Variants in ZMIZ1 observed in about 807,000 individuals in gnomAD.
ZMIZ1 encodes zinc finger MIZ-type containing 1.
A neutral mutation model predicts 113.9 loss-of-function variants in ZMIZ1; 17 were observed. The observed-to-expected ratio is 0.15, with a 90% CI of 0.10 to 0.22. The LOEUF (loss-of-function observed/expected upper bound fraction) is 0.22. Among genes scored for constraint, ZMIZ1 ranks in the 10% least tolerant of loss-of-function variants. ZMIZ1 has a pLI of 1.00. For missense variants in ZMIZ1, 1,059 were observed against 1,477.8 expected (o/e 0.72, Z 4.65); for synonymous variants, 607 against 603.1 (o/e 1.01, Z -0.09).
intron 2 of ZMIZ1, among the ~76,000 whole-genome samples, chr10:79,137,787 G>A (rs1316833380): frequency 6.6e-6 from 1 of 151,682 alleles, no homozygotes; most frequent in African/African-American, 2.4e-5. Context: ...GTGAGGGCTG[G>A]ACCCTGGGGG....
chr10:79,120,158 G>C (rs192988188), intron 2 of ZMIZ1, among the ~76,000 whole-genome samples: 6 of 152,332 alleles, frequency 3.9e-5, no homozygotes, highest in Non-Finnish European at 1.5e-5. Flanking sequence ...GACATGAGTG[G>C]TGGTGAGTGC....
In ZMIZ1 at chr10:79,134,834, G is replaced by GA. The variant is rs1554854973; in HGVS notation, c.-226-4848_-226-4847insA. On this transcript the variant is annotated intron_variant, in intron 2 of 24. Coordinates refer to ENST00000334512, the MANE Select transcript of ZMIZ1 (RefSeq NM_020338.4). Reference sequence around the variant, plus strand: ...TTAAAGTGATATAAATAATTAAATAGTTTTTTTTTTTGAGATGGAGTTTCG... The same window carrying GA: ...TTAAAGTGATATAAATAATTAAATAGATTTTTTTTTTTGAGATGGAGTTTCG... Among the ~76,000 whole-genome samples the GA allele has an allele frequency of 4.0e-5, 6 of 148,566 alleles. No individual in the cohort carries two copies. In the South Asian group the frequency reaches 1.3e-3, roughly 32 times the overall value.
At chr10:79,242,124 G>C (rs1460026510) in intron 7 of ZMIZ1, among the ~76,000 whole-genome samples, 1 of 152,174 alleles carries the variant, frequency 6.6e-6, no homozygotes, top group Non-Finnish European at 1.5e-5. Flanking sequence ...GAAGATCTCT[G>C]GAGGTGGGAC....
At position 79,296,267 on chromosome 10, in the gene ZMIZ1, G is replaced by A. The variant is rs1853883476; in HGVS notation, c.1231-204G>A. On this transcript the variant is annotated intron_variant, in intron 12 of 24. Transcript: ENST00000334512. The surrounding 1 kb of genome is among the most constrained non-coding windows in gnomAD (Gnocchi z 4.1). ...TCCAGGAAGAACGGCCTCAAGGGGA[G>A]GTGGCCTATGATCTGGACAGGCAGA... 14 of 610,538 alleles carry A rather than the reference G, an allele frequency of 2.3e-5. No homozygotes were observed. The South Asian group carries it at 2.7e-4, about 12-fold the overall frequency. 37.8% of individuals were successfully genotyped at this position (610,538 alleles called of 1,614,324 possible).
rs539705383 is a variant in ZMIZ1, at chr10:79,275,148, G to GT, written c.281-2028dup. ...GAAGGATGGAGTGGGCTGGAGGCTC[G>GT]TTTTTGTGTGTCCTGGCCTGCCCGA... On this transcript the variant is annotated intron_variant, in intron 7 of 24. Transcript: ENST00000334512. 4.6e-3 allele frequency among the ~76,000 whole-genome samples: 705 copies of GT among 152,350 alleles called. 3 individuals are homozygous for GT. The highest frequency in any genetic ancestry group is 0.016 in the African/African-American group (681 of 41,594).
At chr10:79,160,396 G>GC (rs1287165904) in intron 3 of ZMIZ1, among the ~76,000 whole-genome samples, 1 of 152,238 alleles carries the variant, frequency 6.6e-6, no homozygotes, top group Non-Finnish European at 1.5e-5. Flanking sequence ...CCCAGCACCA[G>GC]CCCCCACGGG....
chr10:79,277,234 C>T lies in ZMIZ1; in HGVS notation c.334C>T (p.Gln112Ter). The T allele has an allele frequency of 6.3e-7, 1 of 1,589,904 alleles. No individual in the cohort carries two copies. Among genetic ancestry groups the T allele is most frequent in the South Asian group, 1.1e-5 (1 of 88,242 alleles). Residue 112 changes from glutamine (Q) to a stop codon, truncating the protein, a stop_gained, in exon 8 of 25, where the codon CAG (glutamine) becomes TAG (stop). Coordinates refer to ENST00000334512, the MANE Select transcript of ZMIZ1 (RefSeq NM_020338.4). LOFTEE classifies it high-confidence loss of function. ...CGGCCGCCTGCTGCTGCTCCGACAT[C>T]AGAAGAGCCGCCAGAGCGATCCCCC... ...ELGRLLLLRH[Q>*]KSRQSDPPGK...
chr10:79,243,493 C>A (rs1193360495), intron 7 of ZMIZ1, among the ~76,000 whole-genome samples: 1 of 147,752 alleles, frequency 6.8e-6, no homozygotes, highest in East Asian at 2.0e-4. Context: ...CGAGCGGGAG[C>A]GCGGGAGCCG....
chr10:79,175,927 A>G (rs1846839234), intron 4 of ZMIZ1, among the ~76,000 whole-genome samples: 1 of 152,052 alleles, frequency 6.6e-6, no homozygotes, highest in Non-Finnish European at 1.5e-5. Context: ...AATGTCCTGG[A>G]TGGGAAAAGG....
At position 79,277,116 on chromosome 10, in the gene ZMIZ1, G is replaced by C. The variant is rs543998738; in HGVS notation, c.281-65G>C. On this transcript the variant is annotated intron_variant, in intron 7 of 24. Transcript: ENST00000334512. ...AGCACCCAGTCTGGGGAGAGTTGGGGGGGGGTCTTGGTGTGGCAGAGCATG... is the reference window on the plus strand; with the variant it reads ...AGCACCCAGTCTGGGGAGAGTTGGGCGGGGGTCTTGGTGTGGCAGAGCATG... 15 of 1,446,826 alleles carry C rather than the reference G, an allele frequency of 1.0e-5. No homozygotes were observed. In the South Asian group the frequency reaches 1.7e-4, roughly 16 times the overall value. The allele number at this position is 1,446,826 out of a possible 1,614,324, so 89.6% of individuals were successfully genotyped here.
chr10:79,208,326 T>G lies in ZMIZ1; in HGVS notation c.61-10T>G. On this transcript the variant is annotated splice_polypyrimidine_tract_variant and intron_variant, in intron 5 of 24. Coordinates refer to ENST00000334512, the MANE Select transcript of ZMIZ1 (RefSeq NM_020338.4). ...TGGAGCCTCAGCCGCCTCCTTTTCC[T>G]TTCCCACAGCACTTACAGAATCCTG... The G allele has an allele frequency of 6.2e-7, 1 of 1,613,824 alleles. No homozygotes were observed.
At chr10:79,121,729 G>A (rs1176576909) in intron 2 of ZMIZ1, among the ~76,000 whole-genome samples, 1 of 152,116 alleles carries the variant, frequency 6.6e-6, no homozygotes, top group Non-Finnish European at 1.5e-5. Context: ...TGGCATGGGT[G>A]GTAGGTACCA....
At chr10:79,244,277 G>A (rs1850061498) in intron 7 of ZMIZ1, among the ~76,000 whole-genome samples, 1 of 152,230 alleles carries the variant, frequency 6.6e-6, no homozygotes, top group Admixed American at 6.5e-5. Context: ...CTGGCAAGCT[G>A]GCTAGAGGAG....
intron 4 of ZMIZ1, among the ~76,000 whole-genome samples, chr10:79,175,088 G>A (rs1233868240): frequency 6.6e-6 from 1 of 152,228 alleles, no homozygotes; most frequent in Non-Finnish European, 1.5e-5. Context: ...ACAGAGCAAG[G>A]GGGTCCTCGC....
At chr10:79,071,677 G>T (rs1589238894) in intron 1 of ZMIZ1, among the ~76,000 whole-genome samples, 1 of 152,316 alleles carries the variant, frequency 6.6e-6, no homozygotes. Flanking sequence ...AATACCCCAA[G>T]CCTTGGGCTG....
At chr10:79,164,188 T>C (rs1037534470) in intron 4 of ZMIZ1, among the ~76,000 whole-genome samples, 11 of 152,246 alleles carry the variant, frequency 7.2e-5, no homozygotes, top group African/African-American at 2.4e-4. Flanking sequence ...GCTGGCCCAC[T>C]GTCAGCACCA....
chr10:79,197,950 G>A (rs1690795670), intron 4 of ZMIZ1, among the ~76,000 whole-genome samples: 1 of 152,060 alleles, frequency 6.6e-6, no homozygotes, highest in Admixed American at 6.5e-5. Context: ...CTAGGACCCC[G>A]CACAGTGTCG....
chr10:79,293,340 T>C, intron 11 of ZMIZ1, 41 bp from the exon 12 acceptor site: 1 of 1,507,272 alleles, frequency 6.6e-7, no homozygotes. Context: ...TTTTATTCTT[T>C]TTTTTTTCTT....
intron 11 of ZMIZ1, 146 bp from the exon 12 acceptor site, chr10:79,293,235 G>C: frequency 2.6e-6 from 3 of 1,154,558 alleles, no homozygotes. Flanking sequence ...CTGGGGCCTG[G>C]TTGGTCACCA....
Sources: gnomAD v4.1 joint callset for allele counts (sites outside exome capture counted in the v4.1 genomes callset) on GRCh38, gnomAD v4.1.1 for gene constraint, Gnocchi (gnomAD v3.1) non-coding constraint, MANE v1.5 for transcripts, NCBI Gene and HGNC (gene_info 2026-07-23, HGNC 2026-07-21) for gene names.